GANC: variants seen among roughly 807,000 people sequenced by gnomAD.
GANC encodes the protein neutral alpha-glucosidase C.
GANC carries 117 observed loss-of-function variants against 124.2 expected under a neutral mutation model. That is an observed-to-expected ratio of 0.94 (90% CI 0.81 to 1.10). The LOEUF is 1.10. GANC is among the 50% of genes least tolerant of loss of function. The pLI is 0.00. For missense variants in GANC, 1,140 were observed against 1,095.0 expected (o/e 1.04, Z -0.58); for synonymous variants, 377 against 376.8 (o/e 1.00, Z -0.01).
chr15:42,281,179 C>A (rs1325976303), intron 3 of GANC: 1 of 688,984 alleles, frequency 1.5e-6, no homozygotes, highest in Non-Finnish European at 2.6e-6. Flanking sequence ...ATGCCCTGAT[C>A]TCAGGCAAAT....
intron 10 of GANC, among the ~76,000 whole-genome samples, chr15:42,316,872 C>T (rs2052110081): frequency 6.6e-6 from 1 of 152,212 alleles, no homozygotes; most frequent in South Asian, 2.1e-4. Context: ...TCACCTCTTG[C>T]CTTCTAGGTC....
chr15:42,345,352 GT>G (rs1317143562), intron 19 of GANC, among the ~76,000 whole-genome samples: 9 of 149,110 alleles, frequency 6.0e-5, no homozygotes, highest in African/African-American at 2.0e-4. Flanking sequence ...CTTCTTTGTT[GT>G]TTTTTTTTCT....
rs1305842832 is a variant in GANC at position 42,330,678 on chromosome 15, G to T, written c.1741+6G>T. The stretch of plus-strand genomic sequence containing the variant: ...TGCTGGATCACAAAAGTATGGTAAG[G>T]AATGGCTCATATCAGACTTAAAAAC... On this transcript the variant is annotated splice_donor_region_variant and intron_variant, in intron 15 of 23. Transcript: ENST00000318010. The T allele has an allele frequency of 6.3e-7, 1 of 1,594,432 alleles. No individual in the cohort carries two copies. Among genetic ancestry groups the T allele is most frequent in the Non-Finnish European group, 8.6e-7 (1 of 1,169,148 alleles).
intron 15 of GANC, among the ~76,000 whole-genome samples, chr15:42,331,056 C>T (rs2052241240): frequency 1.3e-5 from 2 of 152,010 alleles, no homozygotes; most frequent in East Asian, 1.9e-4. Context: ...ACCTTGGCCT[C>T]CCAAAGTGTT....
chr15:42,351,232 C>A, intron 22 of GANC, 97 bp from the exon 23 acceptor site: 1 of 800,808 alleles, frequency 1.2e-6, no homozygotes, highest in Non-Finnish European at 2.2e-6. Flanking sequence ...CTCCAAGGGA[C>A]AGATGGGAGA....
Position 42,342,557 on chromosome 15 carries a change from G to A in GANC, c.2153-521G>A, listed in dbSNP as rs546955807. ...TGATTGCACTGCTGCACTCCCACTT[G>A]GGGAACAGAGTGAGACCCTGTCTCC... On this transcript the variant is annotated intron_variant, in intron 18 of 23. Coordinates refer to ENST00000318010, the MANE Select transcript of GANC (RefSeq NM_198141.3). Among the ~76,000 whole-genome samples the A allele has an allele frequency of 8.6e-5, 13 of 152,020 alleles. No individual in the cohort carries two copies. In the East Asian group the frequency reaches 2.5e-3, roughly 29 times the overall value.
intron 21 of GANC, among the ~76,000 whole-genome samples, 174 bp from the exon 22 acceptor site, chr15:42,349,209 A>G (rs578012963): frequency 2.4e-4 from 36 of 152,204 alleles, no homozygotes; most frequent in Non-Finnish European, 5.0e-4. Flanking sequence ...CTATTGTTTT[A>G]CTATCTACTC....
intron 10 of GANC, among the ~76,000 whole-genome samples, chr15:42,317,154 G>A (rs879600302): frequency 6.6e-6 from 1 of 152,094 alleles, no homozygotes; most frequent in Non-Finnish European, 1.5e-5. Context: ...TAGCCAAAAG[G>A]TAGAAACAAT....
chr15:42,304,805 A>C (rs2051977739), intron 6 of GANC, among the ~76,000 whole-genome samples: 1 of 152,190 alleles, frequency 6.6e-6, no homozygotes, highest in African/African-American at 2.4e-5. Flanking sequence ...CTCAGAAATA[A>C]TGCCACACAT....
chr15:42,283,592 C>T (rs1013273811), intron 3 of GANC: 7 of 698,850 alleles, frequency 1.0e-5, no homozygotes, highest in Admixed American at 4.0e-5. Context: ...TTTGGCAACA[C>T]GTTTATTTTC....
intron 2 of GANC, 124 bp from the exon 3 acceptor site, chr15:42,278,358 G>C: frequency 1.6e-6 from 1 of 622,216 alleles, no homozygotes; most frequent in South Asian, 2.1e-5. Flanking sequence ...TACTAATACT[G>C]TTTGTGCCCT....
chr15:42,293,576 A>G (rs1467195365), intron 5 of GANC, among the ~76,000 whole-genome samples: 1 of 150,192 alleles, frequency 6.7e-6, no homozygotes, highest in East Asian at 1.9e-4. Context: ...TCATCTCAGA[A>G]CTAATACTTG....
At chr15:42,328,237 A>G (rs1411551950) in intron 13 of GANC, among the ~76,000 whole-genome samples, 1 of 152,210 alleles carries the variant, frequency 6.6e-6, no homozygotes, top group Non-Finnish European at 1.5e-5. Flanking sequence ...AACTTAGTAC[A>G]GGGATAGACA....
At chr15:42,311,044 C>T (rs2052045718) in intron 10 of GANC, among the ~76,000 whole-genome samples, 198 bp downstream of exon 10, 1 of 152,232 alleles carries the variant, frequency 6.6e-6, no homozygotes, top group South Asian at 2.1e-4. Flanking sequence ...GAATGCTCTA[C>T]TGTCTAGTTC....
intron 18 of GANC, among the ~76,000 whole-genome samples, chr15:42,342,032 C>T (rs932817525): frequency 2.0e-5 from 3 of 152,054 alleles, no homozygotes; most frequent in African/African-American, 7.2e-5. Flanking sequence ...AATTTGGTCT[C>T]TTTTGGTATT....
intron 20 of GANC, among the ~76,000 whole-genome samples, chr15:42,346,078 G>A (rs1201513037): frequency 6.6e-6 from 1 of 152,178 alleles, no homozygotes; most frequent in Non-Finnish European, 1.5e-5. Context: ...TAAAGAGAAG[G>A]TGCTGTCTCA....
At chr15:42,346,828 T>A (rs1203717207) in intron 20 of GANC, among the ~76,000 whole-genome samples, 3 of 152,158 alleles carry the variant, frequency 2.0e-5, no homozygotes, top group African/African-American at 4.8e-5. Flanking sequence ...AAGGGAACTT[T>A]CTTTCTACAC....
chr15:42,326,170 C>T (rs2052196844), intron 11 of GANC, 128 bp from the exon 12 acceptor site: 6 of 665,454 alleles, frequency 9.0e-6, no homozygotes, highest in South Asian at 2.0e-5. Flanking sequence ...GTTTTTTTGT[C>T]TGAAATATTT....
At chr15:42,343,891 A>T (rs937708453) in intron 19 of GANC, among the ~76,000 whole-genome samples, 12 of 152,112 alleles carry the variant, frequency 7.9e-5, no homozygotes, top group African/African-American at 2.9e-4. Flanking sequence ...CAGGAAGGAG[A>T]CAGACCCTAG....
Sources: allele counts gnomAD v4.1 joint callset (sites outside exome capture counted in the v4.1 genomes callset), GRCh38; gene constraint gnomAD v4.1.1; transcripts MANE v1.5; gene names NCBI Gene and HGNC (gene_info 2026-07-23, HGNC 2026-07-21).